Variants in AHI1 observed in about 807,000 individuals in gnomAD.
AHI1 encodes the protein jouberin.
Under a neutral mutation model 149.3 loss-of-function variants are expected in AHI1, and 123 were observed. The observed-to-expected ratio is 0.82, with a 90% CI of 0.71 to 0.96. The LOEUF is 0.96. Ranked by LOEUF, AHI1 falls within the 40% of genes least tolerant of loss-of-function variation. The pLI is 0.00. For missense variants in AHI1, 1,439 were observed against 1,422.7 expected, an observed-to-expected ratio of 1.01 and a Z score of -0.18; for synonymous variants, 475 against 459.8, an observed-to-expected ratio of 1.03 and a Z score of -0.42.
At chr6:135,432,370 T>G (rs2128020045) in intron 16 of AHI1, among the ~76,000 whole-genome samples, 1 of 152,292 alleles carries the variant, frequency 6.6e-6, no homozygotes, top group Middle Eastern at 3.4e-3. Flanking sequence ...TTCTTTTTTT[T>G]GAGATGGAGT....
intron 15 of AHI1, among the ~76,000 whole-genome samples, chr6:135,435,798 C>T (rs1021488058): frequency 6.6e-6 from 1 of 152,076 alleles, no homozygotes; most frequent in Non-Finnish European, 1.5e-5. Context: ...AGTAATAGGG[C>T]TTGAATTAAA....
chr6:135,388,389 T>C (rs1040845005), intron 23 of AHI1, among the ~76,000 whole-genome samples: 2 of 152,236 alleles, frequency 1.3e-5, no homozygotes, highest in Non-Finnish European at 2.9e-5. Flanking sequence ...GCTGTGTTTA[T>C]TGAGAGTCAT....
intron 5 of AHI1, among the ~76,000 whole-genome samples, chr6:135,483,807 A>ACTTC (rs1794081421): frequency 6.6e-6 from 1 of 152,172 alleles, no homozygotes; most frequent in South Asian, 2.1e-4. Context: ...ATTTTCATGT[A>ACTTC]CTTCCTATCC....
chr6:135,433,014 G>T lies in AHI1; in HGVS notation c.2266+13C>A. ...TTCACATAGCTGGTCTTCATTCATA[G>T]TCTCTGACATACCTTCAGTATCAAA... On this transcript the variant is annotated intron_variant, in intron 16 of 28. Coordinates refer to ENST00000265602, the MANE Select transcript of AHI1 (RefSeq NM_001134831.2). 1 of 1,587,258 alleles carries T rather than the reference G, an allele frequency of 6.3e-7. No homozygotes were observed. Among genetic ancestry groups the T allele is most frequent in the South Asian group, 1.1e-5 (1 of 90,432 alleles).
chr6:135,344,752 TTCTC>T (rs1042820078), intron 24 of AHI1, among the ~76,000 whole-genome samples: 8 of 150,700 alleles, frequency 5.3e-5, no homozygotes, highest in Admixed American at 2.0e-4. Context: ...CTCCTTTCCT[TTCTC>T]TCTCTCTCTC....
chr6:135,298,545 C>T (rs1243463617), intron 27 of AHI1, among the ~76,000 whole-genome samples: 1 of 152,182 alleles, frequency 6.6e-6, no homozygotes, highest in Non-Finnish European at 1.5e-5. Context: ...CTTCTTTGTA[C>T]ATGCTGGGCT....
Position 135,448,334 on chromosome 6 carries a change from A to AT in AHI1, c.1581dup (p.Ser528IlefsTer32). ...CCTCTTACAGTTACGTACAGTGTTG[A>AT]TGGGTAATGATTTCTTGGACATTTT... On this transcript the variant is annotated frameshift_variant, in exon 12 of 29. Transcript: ENST00000265602. LOFTEE classifies it high-confidence loss of function. The AT allele has an allele frequency of 6.2e-7, 1 of 1,611,276 alleles. No individual in the cohort carries two copies. The highest frequency in any genetic ancestry group is 1.3e-5 in the African/African-American group (1 of 75,030).
intron 22 of AHI1, among the ~76,000 whole-genome samples, chr6:135,400,254 A>G (rs1779836686): frequency 6.6e-6 from 1 of 152,222 alleles, no homozygotes; most frequent in African/African-American, 2.4e-5. Context: ...TACGTTTTAA[A>G]CAGAAAAATT....
At chr6:135,459,324 AAC>A (rs1426554778) in intron 8 of AHI1, among the ~76,000 whole-genome samples, 6 of 152,178 alleles carry the variant, frequency 3.9e-5, no homozygotes, top group South Asian at 4.1e-4. Context: ...AAATAATAAA[AAC>A]ACACAATATT....
intron 15 of AHI1, among the ~76,000 whole-genome samples, chr6:135,434,844 C>T (rs1294594994): frequency 6.6e-6 from 1 of 152,056 alleles, no homozygotes; most frequent in Non-Finnish European, 1.5e-5. Context: ...GAATAGTGGG[C>T]ACATATAGGC....
At chr6:135,336,020 G>A (rs1268106110) in intron 24 of AHI1, among the ~76,000 whole-genome samples, 1 of 150,334 alleles carries the variant, frequency 6.7e-6, no homozygotes, top group African/African-American at 2.5e-5. Context: ...GGCTGAGGCA[G>A]GAGAATCACT....
chr6:135,399,979 G>C (rs540992132), intron 22 of AHI1, among the ~76,000 whole-genome samples: 1 of 151,954 alleles, frequency 6.6e-6, no homozygotes, highest in Non-Finnish European at 1.5e-5. Flanking sequence ...GGACTTGTAT[G>C]GATTATTACA....
chr6:135,362,077 C>T (rs571660400), intron 23 of AHI1, among the ~76,000 whole-genome samples: 34 of 151,898 alleles, frequency 2.2e-4, no homozygotes, highest in African/African-American at 8.2e-4. Context: ...TATTCCATTC[C>T]TTTTTATGAC....
At chr6:135,404,106 A>G (rs1005665159) in intron 22 of AHI1, among the ~76,000 whole-genome samples, 1 of 151,894 alleles carries the variant, frequency 6.6e-6, no homozygotes, top group Non-Finnish European at 1.5e-5. Flanking sequence ...TTCCTTCTGG[A>G]TGTTTTACCT....
chr6:135,349,667 G>A (rs2128423162), intron 24 of AHI1, among the ~76,000 whole-genome samples: 1 of 152,282 alleles, frequency 6.6e-6, no homozygotes, highest in East Asian at 1.9e-4. Flanking sequence ...TGAATCCTAA[G>A]AATAAATAAA....
At chr6:135,486,024 T>C (rs1398449774) in intron 5 of AHI1, among the ~76,000 whole-genome samples, 1 of 152,222 alleles carries the variant, frequency 6.6e-6, no homozygotes, top group African/African-American at 2.4e-5. Context: ...ATAGGATGCA[T>C]GTGAGAATTA....
intron 5 of AHI1, among the ~76,000 whole-genome samples, chr6:135,482,499 A>G (rs1475414446): frequency 6.6e-6 from 1 of 151,962 alleles, no homozygotes; most frequent in African/African-American, 2.4e-5. Context: ...GATTTGAGTA[A>G]TTTATATTGT....
rs548377034 is a variant in AHI1, at chr6:135,406,696, T to C, written c.2962-1719A>G. Among the ~76,000 whole-genome samples, 23 of 152,346 alleles carry C rather than the reference T, an allele frequency of 1.5e-4. No individual in the cohort carries two copies. The East Asian group carries it at 4.4e-3, about 29-fold the overall frequency. On this transcript the variant is annotated intron_variant, in intron 21 of 28. Transcript: ENST00000265602. ...AACATTTTCGAACCCATTCAATCCA[T>C]ACTCCTATGGCTCTACTTAGCAATC... is the stretch of plus-strand genomic sequence containing the variant.
intron 24 of AHI1, among the ~76,000 whole-genome samples, chr6:135,346,603 A>G (rs545391169): frequency 4.7e-4 from 71 of 152,296 alleles, no homozygotes; most frequent in African/African-American, 1.7e-3. Flanking sequence ...AAGAATTAAG[A>G]TTAGAATATG....
Sources: allele counts gnomAD v4.1 joint callset (sites outside exome capture counted in the v4.1 genomes callset), GRCh38; gene constraint gnomAD v4.1.1; transcripts MANE v1.5; gene names NCBI Gene and HGNC (gene_info 2026-07-23, HGNC 2026-07-21).